PCDH15: variants seen among roughly 807,000 people sequenced by gnomAD.
PCDH15 encodes protocadherin related 15.
A neutral mutation model predicts 178.5 loss-of-function variants in PCDH15; 129 were observed. That is an observed-to-expected ratio of 0.72 (90% confidence interval 0.63 to 0.84). The LOEUF (loss-of-function observed/expected upper bound fraction) is 0.84. Ranked by LOEUF, PCDH15 falls within the 40% of genes least tolerant of loss-of-function variation. PCDH15 has a pLI of 0.00. For synonymous variants in PCDH15, 800 were observed against 732.0 expected (o/e 1.09, Z -1.50); for missense variants, 2,230 against 2,099.9 (o/e 1.06, Z -1.21).
At chr10:55,492,667 A>C (rs1304192392) in intron 2 of PCDH15, among the ~76,000 whole-genome samples, 5 of 151,808 alleles carry the variant, frequency 3.3e-5, no homozygotes, top group African/African-American at 1.2e-4. Flanking sequence ...AACAGCAACA[A>C]AAGTGTGACG....
At chr10:55,170,698 A>G (rs1397035248) in intron 1 of PCDH15, among the ~76,000 whole-genome samples, 3 of 152,014 alleles carry the variant, frequency 2.0e-5, no homozygotes, top group Admixed American at 6.6e-5. Context: ...CCTGACCAAC[A>G]TGGTGAAACC....
chr10:55,515,428 G>A (rs1354343476), intron 2 of PCDH15, among the ~76,000 whole-genome samples: 2 of 152,086 alleles, frequency 1.3e-5, no homozygotes, highest in African/African-American at 4.8e-5. Context: ...GTAAAAGATT[G>A]AATGCAGAAG....
chr10:54,806,562 C>T (rs945218458), intron 3 of PCDH15, among the ~76,000 whole-genome samples: 1 of 150,866 alleles, frequency 6.6e-6, no homozygotes, highest in Non-Finnish European at 1.5e-5. Flanking sequence ...CGGCTCATTG[C>T]AACTTTTGCC....
chr10:54,999,144 T>C (rs1447481711), intron 2 of PCDH15, among the ~76,000 whole-genome samples: 1 of 152,146 alleles, frequency 6.6e-6, no homozygotes, highest in Non-Finnish European at 1.5e-5. Flanking sequence ...TTTGAAACAA[T>C]TCATCATTTG....
At chr10:55,060,817 G>A (rs1385082228) in intron 2 of PCDH15, among the ~76,000 whole-genome samples, 1 of 151,940 alleles carries the variant, frequency 6.6e-6, no homozygotes, top group African/African-American at 2.4e-5. Context: ...ACAATACAAT[G>A]AAGAAGTGAT....
chr10:55,478,918 C>T (rs902816172), intron 2 of PCDH15, among the ~76,000 whole-genome samples: 1 of 138,248 alleles, frequency 7.2e-6, no homozygotes, highest in Non-Finnish European at 1.6e-5. Flanking sequence ...TGTAATCTAC[C>T]AAAATTGAAT....
chr10:54,736,393 C>T (rs936837035), intron 1 of PCDH15, among the ~76,000 whole-genome samples: 1 of 152,018 alleles, frequency 6.6e-6, no homozygotes, highest in African/African-American at 2.4e-5. Flanking sequence ...CTTTCTCTCT[C>T]ACCCACCCCA....
At chr10:54,295,707 A>C (rs1218072385) in intron 8 of PCDH15, among the ~76,000 whole-genome samples, 1 of 152,218 alleles carries the variant, frequency 6.6e-6, no homozygotes, top group African/African-American at 2.4e-5. Flanking sequence ...AACCCAGTGG[A>C]AGGAACAAAT....
intron 28 of PCDH15, among the ~76,000 whole-genome samples, chr10:53,852,680 T>A (rs2078464429): frequency 6.6e-6 from 1 of 152,038 alleles, no homozygotes; most frequent in South Asian, 2.1e-4. Flanking sequence ...TTTCCTTTCA[T>A]CAAGTGTCCT....
rs1695982854 is a variant in PCDH15, at chr10:53,885,075, C to G, written c.3501+18168G>C. 2.0e-5 allele frequency among the ~76,000 whole-genome samples: 3 copies of G among 152,044 alleles called. No homozygotes were observed. In the South Asian group the frequency reaches 6.2e-4, roughly 32 times the overall value. On this transcript the variant is annotated intron_variant, in intron 26 of 37. Transcript: ENST00000644397. ...AAAATAAATTTTCTGCCATTCAGAA[C>G]TTTCTATCAATACATTTACTTTGAA...
chr10:54,216,924 T>C (rs561413327), intron 9 of PCDH15, among the ~76,000 whole-genome samples: 105 of 152,300 alleles, frequency 6.9e-4, no homozygotes, highest in African/African-American at 2.4e-3. Context: ...GATAGATATC[T>C]TTAGCTATTA....
chr10:53,838,119 G>A (rs1205818976), intron 29 of PCDH15, among the ~76,000 whole-genome samples: 2 of 151,726 alleles, frequency 1.3e-5, no homozygotes, highest in Non-Finnish European at 2.9e-5. Context: ...GGGACTACAG[G>A]TGCCCGCCAC....
intron 8 of PCDH15, among the ~76,000 whole-genome samples, chr10:54,283,538 C>G (rs2891512): frequency 2.0e-4 from 31 of 151,840 alleles, no homozygotes; most frequent in African/African-American, 7.5e-4. Context: ...AGCTAGCTAG[C>G]TAGATAGATA....
chr10:55,439,892 A>G (rs1839139153), intron 2 of PCDH15, among the ~76,000 whole-genome samples: 1 of 152,172 alleles, frequency 6.6e-6, no homozygotes, highest in African/African-American at 2.4e-5. Context: ...ATAAAACTCT[A>G]AAATTTAAGA....
At chr10:54,782,692 G>T (rs1053089413) in intron 1 of PCDH15, among the ~76,000 whole-genome samples, 4 of 151,916 alleles carry the variant, frequency 2.6e-5, no homozygotes, top group Non-Finnish European at 5.9e-5. Flanking sequence ...CGACCTCAGG[G>T]ACCTAAGAAC....
At chr10:55,126,803 A>G (rs532843886) in intron 2 of PCDH15, among the ~76,000 whole-genome samples, 3 of 152,216 alleles carry the variant, frequency 2.0e-5, no homozygotes, top group Non-Finnish European at 2.9e-5. Flanking sequence ...TAAAACACAA[A>G]GGACAAACTT....
intron 3 of PCDH15, among the ~76,000 whole-genome samples, chr10:54,868,339 A>G (rs1262932373): frequency 6.6e-6 from 1 of 152,138 alleles, no homozygotes; most frequent in African/African-American, 2.4e-5. Flanking sequence ...GACTACGCAT[A>G]AGCACCTTCT....
chr10:54,073,200 A>ATCC (rs2094279725), intron 17 of PCDH15, among the ~76,000 whole-genome samples: 1 of 150,998 alleles, frequency 6.6e-6, no homozygotes, highest in Non-Finnish European at 1.5e-5. Context: ...TTTCAAAAAT[A>ATCC]TCAGAAAGTA....
chr10:54,032,752 C>G (rs374722519), intron 18 of PCDH15, among the ~76,000 whole-genome samples: 1 of 151,984 alleles, frequency 6.6e-6, no homozygotes, highest in East Asian at 1.9e-4. Flanking sequence ...TCAGTTTTCA[C>G]AATGCTATAA....
Sources: allele counts gnomAD v4.1 joint callset (sites outside exome capture counted in the v4.1 genomes callset), GRCh38; gene constraint gnomAD v4.1.1; transcripts MANE v1.5; gene names NCBI Gene and HGNC (gene_info 2026-07-23, HGNC 2026-07-21).